Variants in MED10 observed in about 807,000 individuals in gnomAD.
MED10 encodes the protein mediator complex subunit 10, also known as mediator of RNA polymerase II transcription subunit 10.
In MED10, 9 loss-of-function variants were observed where a neutral mutation model predicts 17.2. The observed-to-expected ratio is 0.52, with a 90% CI of 0.31 to 0.91. MED10 has a LOEUF of 0.91. MED10 is among the 40% of genes least tolerant of loss of function. The pLI, the probability that MED10 is intolerant of heterozygous loss-of-function variation, is 0.04. For missense variants in MED10, 129 were observed against 164.8 expected (o/e 0.78, Z 1.19); for synonymous variants, 66 against 59.8 (o/e 1.10, Z -0.48).
In MED10 at chr5:6,377,253, G is replaced by A. The variant is rs759008036; in HGVS notation, c.123-4C>T. ...TAAGCCAGTAACAATAAAATTCCTG[G>A]GGGAAAGGCAAACACACAGGCATCT... On this transcript the variant is annotated splice_polypyrimidine_tract_variant and splice_region_variant and intron_variant, in intron 1 of 3. Transcript: ENST00000255764. The A allele has an allele frequency of 1.9e-6, 3 of 1,606,626 alleles. No individual in the cohort carries two copies.
At position 6,374,321 on chromosome 5, in the gene MED10, T is replaced by G. The variant is rs1737949136; in HGVS notation, c.309+3A>C. On this transcript the variant is annotated splice_donor_region_variant and intron_variant, in intron 3 of 3. Coordinates refer to ENST00000255764, the MANE Select transcript of MED10 (RefSeq NM_032286.3). The stretch of plus-strand genomic sequence containing the variant: ...GTATTTCTGACACTCCTTAGAGTCT[T>G]ACCTTCATGGTGTCGATCTTGCCTT... The G allele has an allele frequency of 6.2e-7, 1 of 1,603,812 alleles. No individual in the cohort carries two copies. Among genetic ancestry groups the G allele is most frequent in the Non-Finnish European group, 8.5e-7 (1 of 1,170,710 alleles).
chr5:6,376,472 A>G (rs751537409), intron 2 of MED10, among the ~76,000 whole-genome samples: 20 of 152,218 alleles, frequency 1.3e-4, no homozygotes, highest in Non-Finnish European at 2.2e-4. Context: ...AACCTATTGC[A>G]GTTACTTATC....
At chr5:6,372,829 G>A (rs1038281833) in intron 3 of MED10, among the ~76,000 whole-genome samples, 1 of 152,196 alleles carries the variant, frequency 6.6e-6, no homozygotes, top group African/African-American at 2.4e-5. Flanking sequence ...GCACAGTTCT[G>A]TACTGCCCAA....
At chr5:6,372,963 C>T (rs772415576) in intron 3 of MED10, among the ~76,000 whole-genome samples, 4 of 152,170 alleles carry the variant, frequency 2.6e-5, no homozygotes, top group Admixed American at 1.3e-4. Flanking sequence ...CTTTATCAAG[C>T]GAAACGGAAC....
In MED10 at chr5:6,371,891, A is replaced by C. The variant is rs1737895134; in HGVS notation, c.*612T>G. On this transcript the variant is annotated 3_prime_UTR_variant, in exon 4 of 4. Transcript: ENST00000255764. The stretch of plus-strand genomic sequence containing the variant: ...AGTAATAATTAACTGTTTACAAGAC[A>C]CATTGTATTATATTACAAAAATAAT... 6.6e-6 allele frequency: 1 copy of C among 152,258 alleles called. No homozygotes were observed. Among genetic ancestry groups the C allele is most frequent in the South Asian group, 2.1e-4 (1 of 4,834 alleles). The allele number at this position is 152,258 out of a possible 1,614,324, so 9.4% of individuals were successfully genotyped here.
At chr5:6,378,226 C>T (rs1274463185) in intron 1 of MED10, 136 bp downstream of exon 1, 1 of 1,285,374 alleles carries the variant, frequency 7.8e-7, no homozygotes, top group Non-Finnish European at 1.0e-6. Flanking sequence ...CCCCGGGCTC[C>T]GGGACCAGAC....
At chr5:6,374,508 A>AG (rs747076437) in intron 2 of MED10, 82 bp from the exon 3 acceptor site, 3 of 1,009,532 alleles carry the variant, frequency 3.0e-6, no homozygotes, top group Non-Finnish European at 4.7e-6. Flanking sequence ...GGGGGAATAA[A>AG]GGTTAGGTAT....
intron 1 of MED10, among the ~76,000 whole-genome samples, 188 bp from the exon 2 acceptor site, chr5:6,377,437 T>A (rs1056433163): frequency 6.6e-6 from 1 of 152,204 alleles, no homozygotes; most frequent in Non-Finnish European, 1.5e-5. Context: ...AGTTACAAAA[T>A]ACCCTTAAAT....
At chr5:6,378,295 G>T in intron 1 of MED10, 67 bp downstream of exon 1, 1 of 1,473,552 alleles carries the variant, frequency 6.8e-7, no homozygotes, top group Middle Eastern at 2.1e-4. Flanking sequence ...CTAGATCCCC[G>T]CTCCCCTAGC....
intron 3 of MED10, among the ~76,000 whole-genome samples, chr5:6,373,703 C>T (rs544014882): frequency 2.6e-5 from 4 of 152,162 alleles, no homozygotes; most frequent in South Asian, 2.1e-4. Flanking sequence ...CTGCTGCACA[C>T]GGCAACAGTC....
chr5:6,374,510 G>T, intron 2 of MED10, 84 bp from the exon 3 acceptor site: 1 of 990,080 alleles, frequency 1.0e-6, no homozygotes, highest in Non-Finnish European at 1.6e-6. Context: ...GGGAATAAAG[G>T]TTAGGTATAT....
At chr5:6,372,969 G>A (rs972520611) in intron 3 of MED10, among the ~76,000 whole-genome samples, 3 of 152,190 alleles carry the variant, frequency 2.0e-5, no homozygotes, top group South Asian at 2.1e-4. Flanking sequence ...CAAGCGAAAC[G>A]GAACAATCAA....
Position 6,374,787 on chromosome 5 carries a change from ACT to A in MED10, c.207-363_207-362del, listed in dbSNP as rs1233581789. The stretch of plus-strand genomic sequence containing the variant: ...TTACAGCAGCTTGTATGGTAAGGCA[ACT>A]CTTGACAAAAGAAAAAACTAAATGA... On this transcript the variant is annotated intron_variant, in intron 2 of 3. Transcript: ENST00000255764. 7 of 180,720 alleles carry A rather than the reference ACT, an allele frequency of 3.9e-5. No homozygotes were observed. In the East Asian group the frequency reaches 9.5e-4, roughly 25 times the overall value. 11.2% of individuals were successfully genotyped at this position (180,720 alleles called of 1,614,324 possible).
intron 2 of MED10, among the ~76,000 whole-genome samples, chr5:6,374,989 T>C (rs1737963098): frequency 6.6e-6 from 1 of 152,156 alleles, no homozygotes; most frequent in Admixed American, 6.6e-5. Context: ...CAAGATCCTT[T>C]TACAAACCAT....
chr5:6,375,477 ATAATG>A (rs754050876), intron 2 of MED10, among the ~76,000 whole-genome samples: 1 of 152,230 alleles, frequency 6.6e-6, no homozygotes, highest in African/African-American at 2.4e-5. Context: ...TGTTTTTGAA[ATAATG>A]TAATGTGGCA....
intron 3 of MED10, 86 bp from the exon 4 acceptor site, chr5:6,372,687 C>T: frequency 1.8e-6 from 2 of 1,092,250 alleles, no homozygotes; most frequent in Non-Finnish European, 2.7e-6. Context: ...AGTTTAAACA[C>T]ATGGCCCACT....
At chr5:6,378,273 G>T (rs986437826) in intron 1 of MED10, 89 bp downstream of exon 1, 2 of 1,434,808 alleles carry the variant, frequency 1.4e-6, no homozygotes, top group South Asian at 1.4e-5. Context: ...GGTCAGGCTC[G>T]GCTCGGGCTC....
chr5:6,373,001 A>C (rs1161104346), intron 3 of MED10, among the ~76,000 whole-genome samples: 2 of 152,338 alleles, frequency 1.3e-5, no homozygotes, highest in East Asian at 1.9e-4. Context: ...CTCACTATTG[A>C]TAAGGAGTGC....
chr5:6,372,398 A>G lies in MED10; in HGVS notation c.*105T>C. 2.2e-6 allele frequency: 2 copies of G among 915,898 alleles called. No individual in the cohort carries two copies. Among genetic ancestry groups the G allele is most frequent in the Non-Finnish European group, 3.6e-6 (2 of 560,818 alleles). 56.7% of individuals were successfully genotyped at this position (915,898 alleles called of 1,614,324 possible). A position where few individuals can be genotyped will look rare whatever the true frequency, so the allele number is the denominator to read the frequency against. On this transcript the variant is annotated 3_prime_UTR_variant, in exon 4 of 4. Coordinates refer to ENST00000255764, the MANE Select transcript of MED10 (RefSeq NM_032286.3). ...GACAGAGGGGCTGAGGGGTGTGTCC[A>G]GGGCCCAGTCCCACCTCAGCAGGAA... is the stretch of plus-strand genomic sequence containing the variant.
Sources: gnomAD v4.1 joint callset for allele counts (sites outside exome capture counted in the v4.1 genomes callset) on GRCh38, gnomAD v4.1.1 for gene constraint, MANE v1.5 for transcripts, NCBI Gene and HGNC (gene_info 2026-07-23, HGNC 2026-07-21) for gene names.